NEXMIF: variants seen among roughly 807,000 people sequenced by gnomAD.
The protein encoded by NEXMIF is neurite extension and migration factor.
In NEXMIF, 8 loss-of-function variants were observed where a neutral mutation model predicts 62.1. That is an observed-to-expected ratio of 0.13 (90% CI 0.08 to 0.23). The LOEUF (loss-of-function observed/expected upper bound fraction) is 0.23, where lower values mean the gene tolerates loss of function less well. Among genes scored for constraint, NEXMIF ranks in the 10% least tolerant of loss-of-function variants. NEXMIF has a pLI of 1.00. For synonymous variants in NEXMIF, 404 were observed against 416.6 expected, an observed-to-expected ratio of 0.97 and a Z score of 0.37; for missense variants, 976 against 1,113.3, an observed-to-expected ratio of 0.88 and a Z score of 1.75.
At chrX:74,897,896 TA>T (rs764988828) in intron 1 of NEXMIF, among the ~76,000 whole-genome samples, 3 of 112,171 alleles carry the variant, frequency 2.7e-5, no homozygotes, top group Non-Finnish European at 5.6e-5. Flanking sequence ...AGAAACAAAA[TA>T]AAGCAGTATT....
chrX:74,744,845 G>A (rs1246056567), intron 2 of NEXMIF, among the ~76,000 whole-genome samples: 2 of 109,208 alleles, frequency 1.8e-5, no homozygotes, highest in East Asian at 2.9e-4. Context: ...CTGTCCTCCA[G>A]ATCCATGTTC....
intron 1 of NEXMIF, among the ~76,000 whole-genome samples, chrX:74,835,090 T>C: frequency 8.9e-6 from 1 of 112,384 alleles, no homozygotes; most frequent in Non-Finnish European, 1.9e-5. Context: ...TAAGAGACTC[T>C]GATGCATTCA....
At chrX:74,805,551 G>C (rs888797363) in intron 1 of NEXMIF, among the ~76,000 whole-genome samples, 1 of 111,712 alleles carries the variant, frequency 9.0e-6, no homozygotes, top group African/African-American at 3.3e-5. Flanking sequence ...TGTTACAATT[G>C]CTTTTGAGGT....
intron 1 of NEXMIF, among the ~76,000 whole-genome samples, chrX:74,885,672 A>G (rs1374825437): frequency 4.5e-5 from 5 of 111,862 alleles, no homozygotes; most frequent in African/African-American, 1.6e-4. Flanking sequence ...ACCAACCAAA[A>G]AAAGTCCAGG....
At chrX:74,916,862 T>C (rs900340227) in intron 1 of NEXMIF, among the ~76,000 whole-genome samples, 4 of 111,450 alleles carry the variant, frequency 3.6e-5, no homozygotes, top group Non-Finnish European at 7.5e-5. Flanking sequence ...GCAAAGCTAA[T>C]TCCCTATGAG....
intron 1 of NEXMIF, among the ~76,000 whole-genome samples, chrX:74,747,381 CAA>C (rs2147443373): frequency 9.0e-6 from 1 of 111,214 alleles, no homozygotes; most frequent in Non-Finnish European, 1.9e-5. Context: ...AAAAACCCCC[CAA>C]GTTTCCTGAC....
chrX:74,801,234 C>T (rs894380534), intron 1 of NEXMIF, among the ~76,000 whole-genome samples: 8 of 111,988 alleles, frequency 7.1e-5, no homozygotes, highest in African/African-American at 9.7e-5. Context: ...GAAGACATCA[C>T]GGTTGCTTAG....
At chrX:74,843,413 CTTTT>C (rs376924450) in intron 1 of NEXMIF, among the ~76,000 whole-genome samples, 2 of 101,134 alleles carry the variant, frequency 2.0e-5, no homozygotes, top group African/African-American at 3.6e-5. Context: ...TTGGGTCTTG[CTTTT>C]TTTTTTTGTT....
intron 1 of NEXMIF, among the ~76,000 whole-genome samples, chrX:74,919,781 C>T (rs188475430): frequency 9.0e-6 from 1 of 110,933 alleles, no homozygotes; most frequent in African/African-American, 3.3e-5. Flanking sequence ...CTCGCTCCCC[C>T]AACCCCACAA....
Position 74,739,348 on chromosome X carries a change from C to G in NEXMIF, c.*57G>C. On this transcript the variant is annotated 3_prime_UTR_variant, in exon 4 of 4. Coordinates refer to ENST00000055682, the MANE Select transcript of NEXMIF (RefSeq NM_001008537.3). ...AATTTAAAATTCTTTTCTTTAAGCA[C>G]TTACATGTCAACATACATACCACAA... 1 of 834,317 alleles carries G rather than the reference C, an allele frequency of 1.2e-6. No homozygotes were observed. Among genetic ancestry groups the G allele is most frequent in the East Asian group, 3.5e-5 (1 of 28,765 alleles). 68.8% of individuals were successfully genotyped at this position (834,317 alleles called of 1,213,427 possible). A position where few individuals can be genotyped will look rare whatever the true frequency, so the allele number is the denominator to read the frequency against.
intron 1 of NEXMIF, among the ~76,000 whole-genome samples, chrX:74,859,100 T>A (rs1186865845): frequency 9.0e-6 from 1 of 111,138 alleles, no homozygotes; most frequent in Admixed American, 9.6e-5. Flanking sequence ...GAAAGTTTAT[T>A]CAGAGATAAT....
chrX:74,846,709 T>A (rs1374097610), intron 1 of NEXMIF, among the ~76,000 whole-genome samples: 2 of 112,384 alleles, frequency 1.8e-5, no homozygotes, highest in South Asian at 3.7e-4. Context: ...TAGGGCTACA[T>A]GAGCAGGTTA....
intron 1 of NEXMIF, among the ~76,000 whole-genome samples, chrX:74,875,717 T>A (rs1208644546): frequency 1.8e-5 from 2 of 112,145 alleles, no homozygotes; most frequent in Admixed American, 9.4e-5. Flanking sequence ...CCTGGTTTAG[T>A]CTTGGGAGAG....
At chrX:74,761,669 AC>A (rs972449847) in intron 1 of NEXMIF, among the ~76,000 whole-genome samples, 2 of 109,520 alleles carry the variant, frequency 1.8e-5, no homozygotes, top group African/African-American at 6.7e-5. Context: ...TTTTCAAAAA[AC>A]CAACTCCTAT....
rs1418017809 is a variant in NEXMIF at position 74,741,863 on chromosome X, C to T, written c.2694G>A (p.Gln898=). 8.3e-7 allele frequency: 1 copy of T among 1,211,929 alleles called. No individual in the cohort carries two copies. Among genetic ancestry groups the T allele is most frequent in the South Asian group, 1.8e-5 (1 of 57,007 alleles). ...CCCTTGAGACTTCAGCCATGAATTC[C>T]TGGGTGCCAGAAGTAGCCTTGTTGG... ...VWPNKATSGT[Q]EFMAEVSREI... Residue 898 remains glutamine (Q), a synonymous_variant, in exon 3 of 4, where the codon CAG becomes CAA. Transcript: ENST00000055682.
At chrX:74,886,573 C>A (rs1053662080) in intron 1 of NEXMIF, among the ~76,000 whole-genome samples, 7 of 111,120 alleles carry the variant, frequency 6.3e-5, no homozygotes, top group Non-Finnish European at 1.3e-4. Flanking sequence ...AATGAAATAC[C>A]TAGGAATCCA....
chrX:74,835,994 T>G (rs765987183), intron 1 of NEXMIF, among the ~76,000 whole-genome samples: 2 of 112,608 alleles, frequency 1.8e-5, no homozygotes, highest in African/African-American at 3.2e-5. Context: ...AACCATGACA[T>G]GCAGTCTTTC....
At position 74,925,021 on chromosome X, in the gene NEXMIF, A is replaced by ACTG. The variant is rs2080839508; in HGVS notation, c.-189_-187dup. On this transcript the variant is annotated 5_prime_UTR_variant, in exon 1 of 4. Transcript: ENST00000055682. ...TGCCTTAGCCGCCACCGCCGCTGCT[A>ACTG]CTGCTGCCGCCGCCGCCGCCGCCTC... 8.3e-6 allele frequency: 1 copy of ACTG among 121,197 alleles called. No individual in the cohort carries two copies. The highest frequency in any genetic ancestry group is 1.7e-5 in the Non-Finnish European group (1 of 58,614). The allele number at this position is 121,197 out of a possible 1,213,427, so 10.0% of individuals were successfully genotyped here.
At chrX:74,849,023 G>A (rs1354683201) in intron 1 of NEXMIF, among the ~76,000 whole-genome samples, 1 of 111,984 alleles carries the variant, frequency 8.9e-6, no homozygotes, top group Admixed American at 9.4e-5. Flanking sequence ...CAGCCAGTCT[G>A]TGGTGATTTG....
Sources: gnomAD v4.1 joint callset for allele counts (sites outside exome capture counted in the v4.1 genomes callset) on GRCh38, gnomAD v4.1.1 for gene constraint, MANE v1.5 for transcripts, NCBI Gene and HGNC (gene_info 2026-07-23, HGNC 2026-07-21) for gene names.